Variants in GRID2IP observed in about 807,000 individuals in gnomAD.
GRID2IP encodes the protein Grid2 interacting protein.
In GRID2IP, 78 loss-of-function variants were observed where a neutral mutation model predicts 114.3. The observed-to-expected ratio is 0.68, with a 90% CI of 0.57 to 0.82. The LOEUF is 0.82. GRID2IP is among the 40% of genes least tolerant of loss of function. The pLI is 0.00. For missense variants in GRID2IP, 1,727 were observed against 1,678.5 expected, an observed-to-expected ratio of 1.03 and a Z score of -0.51; for synonymous variants, 809 against 724.0, an observed-to-expected ratio of 1.12 and a Z score of -1.89.
In GRID2IP at chr7:6,502,865, A is replaced by C. The variant is rs1232117468; in HGVS notation, c.3071T>G (p.Leu1024Trp). 1 of 1,551,790 alleles carries C rather than the reference A, an allele frequency of 6.4e-7. No homozygotes were observed. Among genetic ancestry groups the C allele is most frequent in the Admixed American group, 2.0e-5 (1 of 50,996 alleles). Residue 1024 changes from leucine to tryptophan, a missense_variant, in exon 18 of 22, where the codon TTG (leucine) becomes TGG (tryptophan). Leu to Trp is a moderately conservative substitution (Grantham distance 61). Coordinates refer to ENST00000457091, the MANE Select transcript of GRID2IP (RefSeq NM_001145118.2). ...ATCGTTGAGATAGTTGCCCATGGCC[A>C]ACACAAACTGTGGACAAGAAGGTGG... Reference protein sequence around the residue: ...RKLAKILEFVLAMGNYLNDGQ... With the variant: ...RKLAKILEFVWAMGNYLNDGQ...
Position 6,534,988 on chromosome 7 carries a change from C to T in GRID2IP, c.584+4730G>A, listed in dbSNP as rs1370786184. Among the ~76,000 whole-genome samples the T allele has an allele frequency of 2.0e-5, 3 of 152,206 alleles. No individual in the cohort carries two copies. The highest frequency in any genetic ancestry group is 2.9e-5 in the Non-Finnish European group (2 of 68,030). On this transcript the variant is annotated intron_variant, in intron 2 of 21. Coordinates refer to ENST00000457091, the MANE Select transcript of GRID2IP (RefSeq NM_001145118.2). The surrounding 1 kb of genome is among the most constrained non-coding windows in gnomAD (Gnocchi z 4.5). ...GCAATCTCCGCCTCCCAGGTTCAAG[C>T]GATGCTCCTGCCTCAGCCTCCCGAG...
rs1403667613 is a variant in GRID2IP at position 6,505,877 on chromosome 7, T to C, written c.2575A>G (p.Ser859Gly). 2 of 1,552,022 alleles carry C rather than the reference T, an allele frequency of 1.3e-6. No individual in the cohort carries two copies. Among genetic ancestry groups the C allele is most frequent in the Non-Finnish European group, 1.7e-6 (2 of 1,146,986 alleles). The part of the protein sequence containing the change: ...LGEDSDYDKL[S>G]DMVKYLDLEL... ...AGGTCGAGGTATTTCACCATGTCAC[T>C]CAGCTTATCGTAGTCAGAGTCTTCC... Residue 859 changes from serine (S) to glycine (G), a missense_variant, in exon 14 of 22, where the codon AGT becomes GGT. Coordinates refer to ENST00000457091, the MANE Select transcript of GRID2IP (RefSeq NM_001145118.2).
intron 18 of GRID2IP, 42 bp from the exon 19 acceptor site, chr7:6,502,160 T>A (rs1478858960): frequency 1.3e-6 from 2 of 1,537,806 alleles, no homozygotes; most frequent in South Asian, 1.2e-5. Flanking sequence ...AAGGACCCCA[T>A]CAGATGGGGT....
At position 6,539,740 on chromosome 7, in the gene GRID2IP, C is replaced by T. The variant is rs1441027531; in HGVS notation, c.562G>A (p.Gly188Arg). Residue 188 changes from glycine (G) to arginine (R), a missense_variant, in exon 2 of 22, where the codon GGG (glycine) becomes AGG (arginine). Physicochemically the swap from Gly to Arg is moderately radical, Grantham distance 125 (BLOSUM62 -2). Coordinates refer to ENST00000457091, the MANE Select transcript of GRID2IP (RefSeq NM_001145118.2). ...LTLALPREAC[G>R]PLLDNLRIFI... ...TACCTGAGGTTGTCCAGGAGTGGCC[C>T]GCAGGCCTCTCGGGGCAGCGCCAGG... is the stretch of plus-strand genomic sequence containing the variant. The T allele has an allele frequency of 3.2e-6, 5 of 1,549,528 alleles. No individual in the cohort carries two copies. Among genetic ancestry groups the T allele is most frequent in the Admixed American group, 2.0e-5 (1 of 50,958 alleles).
At chr7:6,524,222 G>A (rs1354304962) in intron 4 of GRID2IP, among the ~76,000 whole-genome samples, 6 of 152,132 alleles carry the variant, frequency 3.9e-5, no homozygotes, top group South Asian at 2.1e-4. Context: ...GATCAGTCCC[G>A]GGCTGGGACT....
At chr7:6,531,318 C>A (rs1291845446) in intron 2 of GRID2IP, 2 of 391,598 alleles carry the variant, frequency 5.1e-6, no homozygotes, top group African/African-American at 2.1e-5. Context: ...CCCTTTTGGT[C>A]GCTCTGGGGT....
intron 15 of GRID2IP, among the ~76,000 whole-genome samples, chr7:6,504,511 T>C (rs1213442339): frequency 7.3e-6 from 1 of 136,632 alleles, no homozygotes; most frequent in South Asian, 2.5e-4. Context: ...TCTATGGGGG[T>C]CGGGCCAGGG....
In GRID2IP at chr7:6,526,109, A is replaced by C; in HGVS notation, c.919+115T>G. On this transcript the variant is annotated intron_variant, in intron 4 of 21. Coordinates refer to ENST00000457091, the MANE Select transcript of GRID2IP (RefSeq NM_001145118.2). The surrounding 1 kb of genome is among the most constrained non-coding windows in gnomAD (Gnocchi z 7.6). ...TACACAAGGATGGTACCTGACGTGG[A>C]GGGGTTGCTGAGCAGGAGCCTACAT... 1 of 753,398 alleles carries C rather than the reference A, an allele frequency of 1.3e-6. No individual in the cohort carries two copies. The highest frequency in any genetic ancestry group is 2.3e-6 in the Non-Finnish European group (1 of 433,460). The allele number at this position is 753,398 out of a possible 1,614,324, so 46.7% of individuals were successfully genotyped here.
intron 1 of GRID2IP, among the ~76,000 whole-genome samples, chr7:6,550,122 C>G (rs1187357067): frequency 6.6e-6 from 1 of 152,042 alleles, no homozygotes; most frequent in Non-Finnish European, 1.5e-5. Flanking sequence ...TCCTGAGTAT[C>G]TGGGACTATA....
At chr7:6,499,516 C>T (rs1459206242) in intron 20 of GRID2IP, among the ~76,000 whole-genome samples, 3 of 152,146 alleles carry the variant, frequency 2.0e-5, no homozygotes, top group East Asian at 3.9e-4. Flanking sequence ...CTGCAATCTC[C>T]GCCTCCTGGG....
Position 6,534,102 on chromosome 7 carries a change from A to C in GRID2IP, c.584+5616T>G, listed in dbSNP as rs1281373058. Among the ~76,000 whole-genome samples, 3 of 152,174 alleles carry C rather than the reference A, an allele frequency of 2.0e-5. No individual in the cohort carries two copies. The highest frequency in any genetic ancestry group is 2.0e-4 in the Admixed American group (3 of 15,274). ...AGTTCATTTACATGGTTTCCTACCA[A>C]GAACCCTGCTGAGAACACCCAGAAA... On this transcript the variant is annotated intron_variant, in intron 2 of 21. Coordinates refer to ENST00000457091, the MANE Select transcript of GRID2IP (RefSeq NM_001145118.2). The surrounding 1 kb of genome is among the most constrained non-coding windows in gnomAD (Gnocchi z 4.5).
Position 6,536,827 on chromosome 7 carries a change from T to A in GRID2IP, c.584+2891A>T, listed in dbSNP as rs1779732238. 1.6e-6 allele frequency: 1 copy of A among 618,930 alleles called. No homozygotes were observed. The highest frequency in any genetic ancestry group is 3.0e-6 in the Non-Finnish European group (1 of 336,782). The allele number at this position is 618,930 out of a possible 1,614,324, so 38.3% of individuals were successfully genotyped here. A position where few individuals can be genotyped will look rare whatever the true frequency, so the allele number is the denominator to read the frequency against. On this transcript the variant is annotated intron_variant, in intron 2 of 21. Coordinates refer to ENST00000457091, the MANE Select transcript of GRID2IP (RefSeq NM_001145118.2). The surrounding 1 kb of genome is among the most constrained non-coding windows in gnomAD (Gnocchi z 5.3). ...TCCTAGCAAGGGGCTCACCCCTTAC[T>A]CACCCCAGGCAGCTCATGGTGGCCT...
intron 2 of GRID2IP, among the ~76,000 whole-genome samples, chr7:6,527,680 C>T (rs1562521062): frequency 6.6e-6 from 1 of 152,146 alleles, no homozygotes; most frequent in African/African-American, 2.4e-5. Context: ...CTCATTGTAA[C>T]CTGGAACTCC....
intron 1 of GRID2IP, among the ~76,000 whole-genome samples, chr7:6,546,113 G>T (rs971548904): frequency 5.9e-5 from 9 of 151,756 alleles, no homozygotes; most frequent in Non-Finnish European, 1.2e-4. Context: ...CTTCAAGGAG[G>T]AAAAACTGGG....
rs943791848 is a variant in GRID2IP, at chr7:6,528,776, C to T, written c.585-2007G>A. On this transcript the variant is annotated intron_variant, in intron 2 of 21. Coordinates refer to ENST00000457091, the MANE Select transcript of GRID2IP (RefSeq NM_001145118.2). This position sits in a 1 kb window ranked among gnomAD's most constrained non-coding sequence, Gnocchi z 6.0. ...GAGGAGGCTCTGTCCCCGCAGTGAG[C>T]TCCGCTCCAGGTCTCGATGGTCCGG... 1.6e-4 allele frequency among the ~76,000 whole-genome samples: 25 copies of T among 152,158 alleles called. No individual in the cohort carries two copies. The highest frequency in any genetic ancestry group is 1.0e-3 in the South Asian group (5 of 4,810).
At chr7:6,502,231 A>T in intron 18 of GRID2IP, 113 bp from the exon 19 acceptor site, 4 of 1,019,478 alleles carry the variant, frequency 3.9e-6, no homozygotes, top group Non-Finnish European at 2.9e-6. Context: ...TGGCGCCCCC[A>T]CTTTTTTTTT....
intron 15 of GRID2IP, among the ~76,000 whole-genome samples, chr7:6,503,983 T>C (rs1475251116): frequency 6.6e-5 from 3 of 45,164 alleles, no homozygotes; most frequent in East Asian, 5.3e-4. Context: ...GGGTGGGGCC[T>C]GGCAGGAAGG....
chr7:6,517,665 A>G (rs960055490), intron 7 of GRID2IP, among the ~76,000 whole-genome samples: 1 of 152,044 alleles, frequency 6.6e-6, no homozygotes, highest in African/African-American at 2.4e-5. Context: ...GCACTTTGGC[A>G]GGCTGAGGCA....
chr7:6,537,962 C>A (rs1198768063), intron 2 of GRID2IP, among the ~76,000 whole-genome samples: 1 of 152,210 alleles, frequency 6.6e-6, no homozygotes, highest in Admixed American at 6.5e-5. Context: ...GCCTCTTAAC[C>A]TCTCCGAGCC....
Sources: allele counts gnomAD v4.1 joint callset (sites outside exome capture counted in the v4.1 genomes callset), GRCh38; gene constraint gnomAD v4.1.1; non-coding constraint Gnocchi (gnomAD v3.1); transcripts MANE v1.5; gene names NCBI Gene and HGNC (gene_info 2026-07-23, HGNC 2026-07-21).